ANK3: variants seen among roughly 807,000 people sequenced by gnomAD.
ANK3 encodes ankyrin-3.
Under a neutral mutation model 370.9 loss-of-function variants are expected in ANK3, and 57 were observed. That is an observed-to-expected ratio of 0.15 (90% CI 0.12 to 0.19). The LOEUF (loss-of-function observed/expected upper bound fraction) is 0.19, where lower values mean the gene tolerates loss of function less well. Among genes scored for constraint, ANK3 ranks in the 10% least tolerant of loss-of-function variants. ANK3 has a pLI of 1.00. For synonymous variants in ANK3, 1,929 were observed against 1,946.3 expected, an observed-to-expected ratio of 0.99 and a Z score of 0.23; for missense variants, 4,439 against 5,302.1, an observed-to-expected ratio of 0.84 and a Z score of 5.06.
At chr10:60,698,805 T>G (rs1589046231) in intron 1 of ANK3, among the ~76,000 whole-genome samples, 5 of 147,888 alleles carry the variant, frequency 3.4e-5, no homozygotes, top group Non-Finnish European at 4.5e-5. Flanking sequence ...TAATGCTAGA[T>G]GACGAGCTAG....
intron 10 of ANK3, among the ~76,000 whole-genome samples, chr10:60,207,656 T>C (rs896160977): frequency 1.3e-5 from 2 of 152,254 alleles, no homozygotes; most frequent in African/African-American, 4.8e-5. Flanking sequence ...AGACCACTTA[T>C]GTTTCAAATA....
At position 60,692,774 on chromosome 10, in the gene ANK3, CAGA is replaced by C. The variant is rs924029302; in HGVS notation, c.57+40486_57+40488del. 9.9e-4 allele frequency among the ~76,000 whole-genome samples: 151 copies of C among 152,336 alleles called. 1 individual carries two copies. Among genetic ancestry groups the C allele is most frequent in the Middle Eastern group, 6.8e-3 (2 of 294 alleles). ...TTCCAATTCTTTGCTTTGAACAAAGCAGAAGGAGAGCAAAATTCAGGTGTTAGC... is the reference window on the plus strand; with the variant it reads ...TTCCAATTCTTTGCTTTGAACAAAGCAGGAGAGCAAAATTCAGGTGTTAGC... On this transcript the variant is annotated intron_variant, in intron 1 of 43. Transcript: ENST00000373827.
chr10:60,527,389 T>C (rs2076498980), intron 2 of ANK3, among the ~76,000 whole-genome samples: 1 of 152,096 alleles, frequency 6.6e-6, no homozygotes, highest in African/African-American at 2.4e-5. Flanking sequence ...GTAGTCCATA[T>C]TGATTGCAGG....
chr10:60,474,154 A>G (rs2074994438), intron 2 of ANK3, among the ~76,000 whole-genome samples: 1 of 152,058 alleles, frequency 6.6e-6, no homozygotes, highest in Non-Finnish European at 1.5e-5. Context: ...AAATTAATAA[A>G]TTAAATAAAT....
chr10:60,595,549 A>G (rs775330059), intron 2 of ANK3, among the ~76,000 whole-genome samples: 2 of 152,102 alleles, frequency 1.3e-5, no homozygotes, highest in Non-Finnish European at 2.9e-5. Context: ...AGGTTTTACA[A>G]TAATAATGTT....
chr10:60,598,658 G>T (rs1476557071), intron 2 of ANK3, among the ~76,000 whole-genome samples: 1 of 152,088 alleles, frequency 6.6e-6, no homozygotes, highest in African/African-American at 2.4e-5. Context: ...AAAGTATTTT[G>T]CATGAAAGTA....
At position 60,474,583 on chromosome 10, in the gene ANK3, T is replaced by C. The variant is rs368246030; in HGVS notation, c.96+140603A>G. Among the ~76,000 whole-genome samples the C allele has an allele frequency of 5.9e-5, 9 of 152,362 alleles. No individual in the cohort carries two copies. In the South Asian group the frequency reaches 1.7e-3, roughly 28 times the overall value. The stretch of plus-strand genomic sequence containing the variant: ...GTTAAGATTGGGTGATTTTAAGATC[T>C]GTGATTTCATACTTCGGCCTCTAGC... On this transcript the variant is annotated intron_variant, in intron 2 of 43. Transcript: ENST00000373827.
chr10:60,519,676 G>A (rs943206847), intron 2 of ANK3, among the ~76,000 whole-genome samples: 4 of 152,008 alleles, frequency 2.6e-5, no homozygotes, highest in Non-Finnish European at 4.4e-5. Flanking sequence ...ATGTATATTC[G>A]ACACCTACTA....
intron 2 of ANK3, among the ~76,000 whole-genome samples, chr10:60,410,874 G>A (rs771929557): frequency 1.3e-4 from 19 of 151,766 alleles, no homozygotes; most frequent in Non-Finnish European, 2.6e-4. Context: ...GTCTCCCTAT[G>A]TGTTGCTCAT....
intron 42 of ANK3, chr10:60,051,613 C>A: frequency 7.4e-6 from 5 of 677,610 alleles, no homozygotes; most frequent in Non-Finnish European, 9.1e-6. Context: ...AAATAAAAGA[C>A]ATTCTGAGAA....
intron 18 of ANK3, among the ~76,000 whole-genome samples, chr10:60,177,261 TGAG>T (rs1313616566): frequency 6.6e-6 from 1 of 152,198 alleles, no homozygotes; most frequent in Non-Finnish European, 1.5e-5. Flanking sequence ...CACTTTTCCT[TGAG>T]GATCATATCT....
intron 1 of ANK3, among the ~76,000 whole-genome samples, chr10:60,694,273 T>C (rs1379839981): frequency 6.6e-6 from 1 of 152,158 alleles, no homozygotes; most frequent in Admixed American, 6.5e-5. Context: ...CTACATCTGA[T>C]TGGTGTACCT....
intron 2 of ANK3, among the ~76,000 whole-genome samples, chr10:60,418,973 T>C (rs1032042146): frequency 1.3e-5 from 2 of 152,184 alleles, no homozygotes; most frequent in African/African-American, 4.8e-5. Flanking sequence ...ATATTTACAA[T>C]ACATATTAAA....
chr10:60,468,145 C>T lies in ANK3; in HGVS notation c.96+147041G>A, dbSNP rs533690746. On this transcript the variant is annotated intron_variant, in intron 2 of 43. Coordinates refer to the ANK3 transcript ENST00000373827. ...GATTACAGGCATGCACCACCACGCC[C>T]AGCTAATTTTGTATTTTTAGTAGTG... 2.0e-4 allele frequency among the ~76,000 whole-genome samples: 31 copies of T among 152,088 alleles called. 1 individual carries two copies. The South Asian group carries it at 6.2e-3, about 31-fold the overall frequency.
intron 18 of ANK3, among the ~76,000 whole-genome samples, chr10:60,179,685 GA>G (rs59353719): frequency 0.33 from 46,182 of 139,764 alleles, 7,720 homozygotes; most frequent in African/African-American, 0.45. Context: ...CCTCTTGGAG[GA>G]AAAAAAAAAA....
At chr10:60,417,004 G>C (rs913236857) in intron 2 of ANK3, among the ~76,000 whole-genome samples, 6 of 152,104 alleles carry the variant, frequency 3.9e-5, no homozygotes, top group Admixed American at 3.9e-4. Flanking sequence ...GAGTCTAAAG[G>C]GAAGAAGATG....
Position 60,105,909 on chromosome 10 carries a change from A to G in ANK3, c.3324T>C (p.Asp1108=), listed in dbSNP as rs1341523546. The G allele has an allele frequency of 1.2e-6, 2 of 1,608,590 alleles. No homozygotes were observed. The highest frequency in any genetic ancestry group is 1.7e-6 in the Non-Finnish European group (2 of 1,178,018). The stretch of plus-strand genomic sequence containing the variant: ...CCAAGGAGCCATCATTATTACCTTC[A>G]TCCATGCCATTAAGTAACTCGGTTA... ...EDLTELLNGM[D]EELDSPEELG... is the part of the protein sequence containing the mutation. Residue 1108 remains aspartate (D), a synonymous_variant, in exon 28 of 44, where the codon GAT becomes GAC. Coordinates refer to ENST00000280772, the MANE Select transcript of ANK3 (RefSeq NM_020987.5).
chr10:60,056,787 G>C (rs2079257990), intron 41 of ANK3, among the ~76,000 whole-genome samples: 1 of 152,170 alleles, frequency 6.6e-6, no homozygotes, highest in Admixed American at 6.5e-5. Context: ...ATTTTGGGAG[G>C]CTGAGGCAGA....
At chr10:60,517,688 C>A (rs889257067) in intron 2 of ANK3, among the ~76,000 whole-genome samples, 1 of 152,080 alleles carries the variant, frequency 6.6e-6, no homozygotes, top group Non-Finnish European at 1.5e-5. Context: ...CAAGATGGCA[C>A]ATTTCAAAGT....
Sources: allele counts gnomAD v4.1 joint callset (sites outside exome capture counted in the v4.1 genomes callset), GRCh38; gene constraint gnomAD v4.1.1; transcripts MANE v1.5; gene names NCBI Gene and HGNC (gene_info 2026-07-23, HGNC 2026-07-21).